Variants in CTCF observed in about 807,000 individuals in gnomAD.
The protein encoded by CTCF is transcriptional repressor CTCF.
CTCF carries 7 observed loss-of-function variants against 72.3 expected under a neutral mutation model. The observed-to-expected ratio is 0.10, with a 90% CI of 0.06 to 0.18. The LOEUF is 0.18. CTCF is among the 10% of genes least tolerant of loss of function. CTCF has a pLI of 1.00. For missense variants in CTCF, 516 were observed against 949.1 expected (o/e 0.54, Z 6.00); for synonymous variants, 374 against 315.8 (o/e 1.18, Z -1.95).
rs79929476 is a variant in CTCF, at chr16:67,567,305, T to C, written c.-126-3843T>C. On this transcript the variant is annotated intron_variant, in intron 1 of 11. Transcript: ENST00000264010. ...AGGTGAGGGTTAGGATGGTATTCTT[T>C]CACACTTGATCCTTGTTTTTGGTCA... is the stretch of plus-strand genomic sequence containing the variant. 6.2e-3 allele frequency among the ~76,000 whole-genome samples: 945 copies of C among 152,338 alleles called. 6 individuals are homozygous for C. Among genetic ancestry groups the C allele is most frequent in the African/African-American group, 0.021 (876 of 41,564 alleles).
chr16:67,572,718 T>A (rs1429782063), intron 2 of CTCF: 3 of 152,158 alleles, frequency 2.0e-5, no homozygotes, highest in Admixed American at 6.6e-5. Flanking sequence ...GGCAGGTAGA[T>A]CACTTGAGGT....
At chr16:67,591,723 G>C (rs537906765) in intron 2 of CTCF, among the ~76,000 whole-genome samples, 20 of 151,596 alleles carry the variant, frequency 1.3e-4, no homozygotes, top group African/African-American at 3.2e-4. Context: ...ACTTTTTTTG[G>C]GGGGGGGCAG....
At chr16:67,581,458 G>A (rs1376238787) in intron 2 of CTCF, among the ~76,000 whole-genome samples, 2 of 151,900 alleles carry the variant, frequency 1.3e-5, no homozygotes, top group African/African-American at 2.4e-5. Context: ...AAGTAGCTGG[G>A]ATTACAGACA....
At chr16:67,608,335 T>TAA (rs76741186) in intron 2 of CTCF, among the ~76,000 whole-genome samples, 1 of 131,800 alleles carries the variant, frequency 7.6e-6, no homozygotes, top group African/African-American at 2.7e-5. Flanking sequence ...AAAAAAAAAT[T>TAA]AAAAAAAAAA....
intron 7 of CTCF, among the ~76,000 whole-genome samples, chr16:67,621,957 C>T (rs79628246): frequency 0.041 from 6,308 of 152,030 alleles, 139 homozygotes; most frequent in Non-Finnish European, 0.055. Context: ...TTTTTGAGAA[C>T]GTCTGTACTT....
rs1264440722 is a variant in CTCF, at chr16:67,617,930, T to TA, written c.1086+1053dup. Among the ~76,000 whole-genome samples the TA allele has an allele frequency of 2.0e-5, 3 of 152,352 alleles. No homozygotes were observed. In the East Asian group the frequency reaches 5.8e-4, roughly 29 times the overall value. ...AGTAATACGTTCTAAAAATAAGTGA[T>TA]ACTGAATATATCTGAAACACAAAGA... On this transcript the variant is annotated intron_variant, in intron 5 of 11. Transcript: ENST00000264010.
At chr16:67,577,939 A>G (rs1381641002) in intron 2 of CTCF, among the ~76,000 whole-genome samples, 1 of 152,206 alleles carries the variant, frequency 6.6e-6, no homozygotes, top group Non-Finnish European at 1.5e-5. Context: ...TACCCAAGTA[A>G]TGTTTAGTTT....
rs1354615168 is a variant in CTCF, at chr16:67,601,238, G to GTT, written c.-9-9585_-9-9584insTT. Among the ~76,000 whole-genome samples, 13 of 148,028 alleles carry GTT rather than the reference G, an allele frequency of 8.8e-5. 1 individual carries two copies. The highest frequency in any genetic ancestry group is 3.4e-4 in the Admixed American group (5 of 14,870). On this transcript the variant is annotated intron_variant, in intron 2 of 11. Coordinates refer to ENST00000264010, the MANE Select transcript of CTCF (RefSeq NM_006565.4). ...AAGGGGTGTGTGTGTGTGTGTGTGT[G>GTT]TGTGTGTGTGTGTGTGTTTTGTTTT...
intron 5 of CTCF, 112 bp downstream of exon 5, chr16:67,616,990 T>A (rs2052139809): frequency 1.9e-6 from 2 of 1,074,480 alleles, no homozygotes; most frequent in South Asian, 1.4e-5. Context: ...AAAATGTTAG[T>A]AAATTATTAA....
intron 2 of CTCF, among the ~76,000 whole-genome samples, chr16:67,602,772 C>T (rs1195582303): frequency 4.9e-5 from 7 of 144,098 alleles, no homozygotes; most frequent in Admixed American, 3.7e-4. Context: ...ACCCAGGAGT[C>T]GGAGGTTGTG....
chr16:67,604,140 A>T (rs1339533104), intron 2 of CTCF, among the ~76,000 whole-genome samples: 3 of 151,426 alleles, frequency 2.0e-5, no homozygotes, highest in Non-Finnish European at 1.5e-5. Context: ...AAAAAAAAAA[A>T]AAAAAGAAAA....
At position 67,611,049 on chromosome 16, in the gene CTCF, A is replaced by C; in HGVS notation, c.217A>C (p.Met73Leu). The C allele has an allele frequency of 6.2e-7, 1 of 1,614,094 alleles. No individual in the cohort carries two copies. The highest frequency in any genetic ancestry group is 8.5e-7 in the Non-Finnish European group (1 of 1,179,960). ...ACAGCTGGACCCCACCCTTCTTCAG[A>C]TGAAGACTGAAGTAATGGAGGGCAC... ...MEQLDPTLLQMKTEVMEGTVA... is the reference protein window; with the variant it reads ...MEQLDPTLLQLKTEVMEGTVA... The change falls in exon 3 of 12, where the codon ATG becomes CTG. Residue 73 changes from methionine to leucine, a missense_variant. Coordinates refer to ENST00000264010, the MANE Select transcript of CTCF (RefSeq NM_006565.4).
At chr16:67,567,129 C>T (rs969292745) in intron 1 of CTCF, among the ~76,000 whole-genome samples, 5 of 152,104 alleles carry the variant, frequency 3.3e-5, no homozygotes, top group Non-Finnish European at 5.9e-5. Context: ...TGTGAGCCAC[C>T]GTGTCCAGCC....
chr16:67,567,081 G>A (rs2142703857), intron 1 of CTCF, among the ~76,000 whole-genome samples: 1 of 151,794 alleles, frequency 6.6e-6, no homozygotes, highest in East Asian at 1.9e-4. Context: ...GCCTCAAGCA[G>A]TCTGTCTGCC....
At chr16:67,596,806 T>TA (rs1238562805) in intron 2 of CTCF, among the ~76,000 whole-genome samples, 1 of 152,018 alleles carries the variant, frequency 6.6e-6, no homozygotes, top group Non-Finnish European at 1.5e-5. Context: ...CAGACTGGTC[T>TA]CAACTCCTGA....
At chr16:67,582,437 A>G (rs1405141140) in intron 2 of CTCF, among the ~76,000 whole-genome samples, 1 of 152,094 alleles carries the variant, frequency 6.6e-6, no homozygotes, top group African/African-American at 2.4e-5. Flanking sequence ...TCATGCCTGT[A>G]ATCCCAGTAC....
At chr16:67,581,611 C>G (rs929395263) in intron 2 of CTCF, among the ~76,000 whole-genome samples, 2 of 152,100 alleles carry the variant, frequency 1.3e-5, no homozygotes, top group African/African-American at 4.8e-5. Flanking sequence ...TCAAGCGATT[C>G]TCCTTCGTTA....
At chr16:67,620,851 G>A (rs2052191173) in intron 6 of CTCF, 34 bp downstream of exon 6, 2 of 1,514,242 alleles carry the variant, frequency 1.3e-6, no homozygotes, top group South Asian at 1.3e-5. Context: ...GTATTAATGA[G>A]CTTCTTTTCA....
chr16:67,626,089 C>G (rs1233909535), intron 7 of CTCF, among the ~76,000 whole-genome samples: 2 of 151,992 alleles, frequency 1.3e-5, no homozygotes, highest in South Asian at 4.1e-4. Flanking sequence ...CTCCCTGCAC[C>G]TGTTACTCTG....
Sources: gnomAD v4.1 joint callset for allele counts (sites outside exome capture counted in the v4.1 genomes callset) on GRCh38, gnomAD v4.1.1 for gene constraint, MANE v1.5 for transcripts, NCBI Gene and HGNC (gene_info 2026-07-23, HGNC 2026-07-21) for gene names.